The following CFAP299 variants were observed in gnomAD, a reference collection of about 807,000 sequenced individuals.
The protein encoded by CFAP299 is cilia- and flagella-associated protein 299.
A neutral mutation model predicts 27.0 loss-of-function variants in CFAP299; 21 were observed. The observed-to-expected ratio is 0.78, with a 90% CI of 0.55 to 1.12. CFAP299 has a LOEUF of 1.12. Among genes scored for constraint, CFAP299 ranks in the 50% most tolerant of loss-of-function variants. The probability of loss-of-function intolerance (pLI) is 0.00; values close to 1 mark genes in which losing one functional copy is unlikely to be tolerated. For missense variants in CFAP299, 310 were observed against 276.6 expected (o/e 1.12, Z -0.86); for synonymous variants, 104 against 98.1 (o/e 1.06, Z -0.36).
At chr4:80,433,336 A>G (rs1049993529) in intron 2 of CFAP299, among the ~76,000 whole-genome samples, 1 of 152,182 alleles carries the variant, frequency 6.6e-6, no homozygotes, top group Non-Finnish European at 1.5e-5. Context: ...CTCAATATGT[A>G]CAGCTGTGTA....
At chr4:80,860,864 G>A in intron 3 of CFAP299, among the ~76,000 whole-genome samples, 1 of 152,158 alleles carries the variant, frequency 6.6e-6, no homozygotes, top group Non-Finnish European at 1.5e-5. Flanking sequence ...CAGGGGTCAG[G>A]GACCCACTTG....
chr4:80,542,587 G>C, intron 2 of CFAP299, among the ~76,000 whole-genome samples: 1 of 152,154 alleles, frequency 6.6e-6, no homozygotes, highest in Non-Finnish European at 1.5e-5. Flanking sequence ...GACCTGGAGA[G>C]AGCAGGGCTG....
chr4:80,373,687 G>A (rs1460966874), intron 2 of CFAP299, among the ~76,000 whole-genome samples: 1 of 151,994 alleles, frequency 6.6e-6, no homozygotes, highest in African/African-American at 2.4e-5. Context: ...TACATCATTG[G>A]TCCTTATGAT....
At position 80,427,323 on chromosome 4, in the gene CFAP299, C is replaced by A. The variant is rs571984531; in HGVS notation, c.242+64439C>A. Among the ~76,000 whole-genome samples, 70 of 151,954 alleles carry A rather than the reference C, an allele frequency of 4.6e-4. 1 individual carries two copies. The highest frequency in any genetic ancestry group is 1.6e-3 in the African/African-American group (68 of 41,472). Reference sequence around the variant, plus strand: ...ATTAACATTTTTAGCCTACTGTTATCTTTTAAGATCAATTTTAGGTTTGGA... The same window carrying A: ...ATTAACATTTTTAGCCTACTGTTATATTTTAAGATCAATTTTAGGTTTGGA... On this transcript the variant is annotated intron_variant, in intron 2 of 5. Transcript: ENST00000358105.
intron 4 of CFAP299, among the ~76,000 whole-genome samples, chr4:80,944,022 C>T (rs940864048): frequency 3.3e-5 from 5 of 151,492 alleles, no homozygotes; most frequent in East Asian, 1.9e-4. Context: ...GCTGAGATCA[C>T]GCCACTGCAC....
chr4:80,496,657 C>T (rs920356307), intron 2 of CFAP299, among the ~76,000 whole-genome samples: 2 of 152,184 alleles, frequency 1.3e-5, no homozygotes, highest in African/African-American at 4.8e-5. Context: ...CTAATATCTT[C>T]GTGGTAATGC....
chr4:80,490,079 G>A (rs1731037163), intron 2 of CFAP299, among the ~76,000 whole-genome samples: 1 of 152,180 alleles, frequency 6.6e-6, no homozygotes, highest in African/African-American at 2.4e-5. Flanking sequence ...ACCCGCGTAA[G>A]TGACCAGCCA....
intron 3 of CFAP299, among the ~76,000 whole-genome samples, chr4:80,669,615 A>G (rs1473759677): frequency 3.5e-5 from 5 of 142,784 alleles, no homozygotes; most frequent in South Asian, 2.2e-4. Context: ...TTTTCTACGT[A>G]TAAGATTATG....
intron 3 of CFAP299, among the ~76,000 whole-genome samples, chr4:80,814,510 C>A (rs1729322399): frequency 6.6e-6 from 1 of 151,804 alleles, no homozygotes; most frequent in African/African-American, 2.4e-5. Flanking sequence ...GAAAAATATG[C>A]AAGAAATCAA....
chr4:80,802,949 A>G (rs1367617498), intron 3 of CFAP299, among the ~76,000 whole-genome samples: 1 of 152,094 alleles, frequency 6.6e-6, no homozygotes, highest in East Asian at 1.9e-4. Context: ...GTTAAAAGTC[A>G]GGGAAGCTCA....
At chr4:80,661,075 C>T (rs1403419316) in intron 3 of CFAP299, among the ~76,000 whole-genome samples, 10 of 152,168 alleles carry the variant, frequency 6.6e-5, no homozygotes, top group African/African-American at 2.4e-4. Flanking sequence ...CCTGTAATCC[C>T]AGCACTTTGA....
intron 3 of CFAP299, among the ~76,000 whole-genome samples, chr4:80,742,871 C>T (rs1194011152): frequency 2.0e-5 from 3 of 152,122 alleles, no homozygotes; most frequent in East Asian, 3.8e-4. Context: ...CTCAAAAAAA[C>T]ACAAATTTAT....
At chr4:80,649,547 T>A (rs1740187465) in intron 3 of CFAP299, among the ~76,000 whole-genome samples, 1 of 152,142 alleles carries the variant, frequency 6.6e-6, no homozygotes, top group Non-Finnish European at 1.5e-5. Context: ...TGTTGATTTT[T>A]AAAAATAAAC....
In CFAP299 at chr4:80,963,566, A is replaced by G. The variant is rs528646259; in HGVS notation, c.656A>G (p.Tyr219Cys). Residue 219 changes from tyrosine (Y) to cysteine (C), a missense_variant, in exon 6 of 6, where the codon TAC becomes TGC. Tyr to Cys is a radical substitution (Grantham distance 194). Coordinates refer to ENST00000358105, the MANE Select transcript of CFAP299 (RefSeq NM_152770.3). ...AGAATCACTATCCTGACAGAACTCT[A>G]CGTACAAGCTGTCATTTTTGACCAC... ...STRITILTEL[Y>C]VQAVIFDHIS... is the part of the protein sequence containing the mutation. The G allele has an allele frequency of 1.9e-6, 3 of 1,609,716 alleles. No individual in the cohort carries two copies. The highest frequency in any genetic ancestry group is 1.3e-5 in the African/African-American group (1 of 74,882).
chr4:80,485,933 A>G (rs1007958119), intron 2 of CFAP299, among the ~76,000 whole-genome samples: 2 of 152,116 alleles, frequency 1.3e-5, no homozygotes, highest in East Asian at 3.9e-4. Flanking sequence ...ATTTAAACCT[A>G]GTCGCTAAAT....
At chr4:80,851,274 T>A (rs1731506998) in intron 3 of CFAP299, among the ~76,000 whole-genome samples, 1 of 152,122 alleles carries the variant, frequency 6.6e-6, no homozygotes, top group Non-Finnish European at 1.5e-5. Context: ...CCTTATTAAT[T>A]TAATCATTCT....
intron 3 of CFAP299, among the ~76,000 whole-genome samples, chr4:80,663,361 C>T (rs1283693005): frequency 6.6e-6 from 1 of 152,082 alleles, no homozygotes. Context: ...GTTCAACCCC[C>T]ACTTATGAGT....
At chr4:80,356,612 A>G (rs1723292396) in intron 1 of CFAP299, among the ~76,000 whole-genome samples, 1 of 151,802 alleles carries the variant, frequency 6.6e-6, no homozygotes, top group South Asian at 2.1e-4. Flanking sequence ...GCATGGGAGT[A>G]CATTCCTAAT....
intron 3 of CFAP299, among the ~76,000 whole-genome samples, chr4:80,633,426 C>T (rs908001143): frequency 6.6e-6 from 1 of 151,940 alleles, no homozygotes; most frequent in East Asian, 1.9e-4. Context: ...TGCAATCCAG[C>T]CTGGGTGACA....
Sources: allele counts gnomAD v4.1 joint callset (sites outside exome capture counted in the v4.1 genomes callset), GRCh38; gene constraint gnomAD v4.1.1; transcripts MANE v1.5; gene names NCBI Gene and HGNC (gene_info 2026-07-23, HGNC 2026-07-21).